Variants in NSFL1C observed in about 807,000 individuals in gnomAD.
The protein encoded by NSFL1C is NSFL1 cofactor p47.
A neutral mutation model predicts 43.1 loss-of-function variants in NSFL1C; 14 were observed. The ratio of observed to expected loss-of-function variants is 0.32; its 90% CI spans 0.21 to 0.51. The LOEUF (loss-of-function observed/expected upper bound fraction) is 0.51. NSFL1C is among the 20% of genes least tolerant of loss of function. The pLI is 0.98. For missense variants in NSFL1C, 406 were observed against 472.5 expected, an observed-to-expected ratio of 0.86 and a Z score of 1.30; for synonymous variants, 171 against 183.5, an observed-to-expected ratio of 0.93 and a Z score of 0.55.
chr20:1,450,500 G>C (rs1244345026), intron 7 of NSFL1C, among the ~76,000 whole-genome samples: 1 of 152,114 alleles, frequency 6.6e-6, no homozygotes, highest in Non-Finnish European at 1.5e-5. Context: ...TGCTAAAATA[G>C]ACTTTAAAGA....
chr20:1,452,995 CTGA>C, intron 6 of NSFL1C, 33 bp downstream of exon 6: 1 of 1,123,460 alleles, frequency 8.9e-7, no homozygotes, highest in East Asian at 2.3e-5. Flanking sequence ...TATCCACTCA[CTGA>C]TTTGGGACCT....
At chr20:1,446,030 A>G (rs778204975) in intron 7 of NSFL1C, 200 bp from the exon 8 acceptor site, 10 of 611,272 alleles carry the variant, frequency 1.6e-5, no homozygotes, top group Non-Finnish European at 2.3e-5. Context: ...CCTGAGTCAT[A>G]TATTTCATAC....
chr20:1,451,987 T>C (rs2122865346), intron 7 of NSFL1C, among the ~76,000 whole-genome samples: 1 of 152,330 alleles, frequency 6.6e-6, no homozygotes, highest in Non-Finnish European at 1.5e-5. Flanking sequence ...TGAGTGTCCC[T>C]GCATCCTGAG....
intron 7 of NSFL1C, among the ~76,000 whole-genome samples, chr20:1,450,185 A>G (rs2090155676): frequency 6.6e-6 from 1 of 152,168 alleles, no homozygotes; most frequent in Non-Finnish European, 1.5e-5. Context: ...TTTCAGGAAA[A>G]ATTTCAAGAA....
chr20:1,465,839 T>TA (rs2090498629), intron 1 of NSFL1C, among the ~76,000 whole-genome samples: 1 of 152,208 alleles, frequency 6.6e-6, no homozygotes, highest in South Asian at 2.1e-4. Context: ...TTCTGCCTGG[T>TA]AGCTAGTGAG....
intron 2 of NSFL1C, among the ~76,000 whole-genome samples, chr20:1,462,714 G>A (rs558951372): frequency 4.5e-4 from 68 of 151,874 alleles, no homozygotes; most frequent in African/African-American, 1.5e-3. Flanking sequence ...TAGTAGAGAC[G>A]GGGTTTCACC....
At chr20:1,449,070 G>A (rs548719696) in intron 7 of NSFL1C, among the ~76,000 whole-genome samples, 24 of 152,336 alleles carry the variant, frequency 1.6e-4, no homozygotes, top group African/African-American at 5.5e-4. Context: ...ATGCAGGTTG[G>A]CAGGTAAAGG....
At chr20:1,450,649 G>T (rs924218466) in intron 7 of NSFL1C, among the ~76,000 whole-genome samples, 1 of 152,162 alleles carries the variant, frequency 6.6e-6, no homozygotes, top group Non-Finnish European at 1.5e-5. Flanking sequence ...CTTGTAACTG[G>T]TGGTGGGCAT....
chr20:1,443,591 A>C lies in NSFL1C; in HGVS notation c.*158T>G, dbSNP rs2122783976. 1 of 622,996 alleles carries C rather than the reference A, an allele frequency of 1.6e-6. No homozygotes were observed. The highest frequency in any genetic ancestry group is 2.8e-5 in the East Asian group (1 of 35,512). The allele number at this position is 622,996 out of a possible 1,614,324, so 38.6% of individuals were successfully genotyped here. A position where few individuals can be genotyped will look rare whatever the true frequency, so the allele number is the denominator to read the frequency against. ...ACCCAGGAAATGCAACTAAGGAGAA[A>C]ACAAACGTCCAACCAAGATCTAAGA... On this transcript the variant is annotated 3_prime_UTR_variant, in exon 9 of 9. Transcript: ENST00000216879.
At chr20:1,452,739 C>A in intron 6 of NSFL1C, 109 bp from the exon 7 acceptor site, 1 of 1,384,044 alleles carries the variant, frequency 7.2e-7, no homozygotes, top group South Asian at 1.3e-5. Context: ...ATCGCTGGGC[C>A]TCCAAAGGGA....
intron 3 of NSFL1C, chr20:1,456,647 T>A (rs907503614): frequency 1.3e-5 from 2 of 152,212 alleles, no homozygotes; most frequent in African/African-American, 4.8e-5. Flanking sequence ...TTCTGCTAAA[T>A]GGACTATAAA....
chr20:1,451,069 G>A (rs1381274125), intron 7 of NSFL1C, among the ~76,000 whole-genome samples: 1 of 151,938 alleles, frequency 6.6e-6, no homozygotes, highest in East Asian at 1.9e-4. Flanking sequence ...CTATTAAGAT[G>A]AACATGTATT....
chr20:1,451,593 G>A (rs1270056214), intron 7 of NSFL1C, among the ~76,000 whole-genome samples: 4 of 152,300 alleles, frequency 2.6e-5, no homozygotes, highest in African/African-American at 7.2e-5. Context: ...TTGGCAAGGA[G>A]GGTCACTATG....
chr20:1,458,393 C>T (rs574664790), intron 2 of NSFL1C, 119 bp from the exon 3 acceptor site: 21 of 729,848 alleles, frequency 2.9e-5, no homozygotes, highest in Middle Eastern at 2.5e-4. Flanking sequence ...GAGAGGAGGA[C>T]GTTATGTGGA....
intron 2 of NSFL1C, among the ~76,000 whole-genome samples, chr20:1,459,799 T>C (rs929508617): frequency 6.6e-6 from 1 of 152,230 alleles, no homozygotes; most frequent in Non-Finnish European, 1.5e-5. Flanking sequence ...AGAGTACTAG[T>C]TCCACTCATT....
intron 2 of NSFL1C, among the ~76,000 whole-genome samples, chr20:1,459,893 AAT>A (rs2090376318): frequency 6.6e-6 from 1 of 152,190 alleles, no homozygotes; most frequent in Non-Finnish European, 1.5e-5. Flanking sequence ...CTATGAAAAA[AAT>A]ATTTTCTATC....
Position 1,458,188 on chromosome 20 carries a change from T to G in NSFL1C, c.278+12A>C. The G allele has an allele frequency of 6.2e-7, 1 of 1,611,052 alleles. No homozygotes were observed. The highest frequency in any genetic ancestry group is 8.5e-7 in the Non-Finnish European group (1 of 1,177,224). ...TGTGAACTGTCCCCCTGACCCCCTC[T>G]AGAAGACTCACCTCTGGCCTTCCTC... On this transcript the variant is annotated intron_variant, in intron 3 of 8. Transcript: ENST00000216879.
intron 3 of NSFL1C, chr20:1,457,892 C>G (rs1259171003): frequency 6.9e-6 from 2 of 290,750 alleles, no homozygotes; most frequent in East Asian, 1.4e-4. Flanking sequence ...AGCACGGGAA[C>G]GTAGACACCT....
At chr20:1,451,153 G>A (rs1391038990) in intron 7 of NSFL1C, among the ~76,000 whole-genome samples, 1 of 152,194 alleles carries the variant, frequency 6.6e-6, no homozygotes, top group Non-Finnish European at 1.5e-5. Flanking sequence ...CACTCTCTGT[G>A]AGAATAGCTG....
Sources: allele counts gnomAD v4.1 joint callset (sites outside exome capture counted in the v4.1 genomes callset), GRCh38; gene constraint gnomAD v4.1.1; transcripts MANE v1.5; gene names NCBI Gene and HGNC (gene_info 2026-07-23, HGNC 2026-07-21).